Variants in KCNN2 observed in about 807,000 individuals in gnomAD.
KCNN2 encodes small conductance calcium-activated potassium channel protein 2.
A neutral mutation model predicts 55.5 loss-of-function variants in KCNN2; 24 were observed. The ratio of observed to expected loss-of-function variants is 0.43; its 90% CI spans 0.31 to 0.61. The LOEUF (loss-of-function observed/expected upper bound fraction) is 0.61. Among genes scored for constraint, KCNN2 ranks in the 20% least tolerant of loss-of-function variants. The pLI, the probability that KCNN2 is intolerant of heterozygous loss-of-function variation, is 0.08. For synonymous variants in KCNN2, 431 were observed against 336.1 expected (o/e 1.28, Z -3.09); for missense variants, 754 against 853.6 (o/e 0.88, Z 1.45).
chr5:114,473,291 A>T (rs1428001386), intron 5 of KCNN2, 127 bp downstream of exon 5: 5 of 674,436 alleles, frequency 7.4e-6, no homozygotes, highest in Non-Finnish European at 1.3e-5. Context: ...CATTCTTGGA[A>T]TCACTTCCAT....
At chr5:114,435,040 C>G (rs1759953884) in intron 3 of KCNN2, among the ~76,000 whole-genome samples, 1 of 152,056 alleles carries the variant, frequency 6.6e-6, no homozygotes, top group South Asian at 2.1e-4. Context: ...TGATCTTTAT[C>G]CTAAGATCCT....
chr5:114,389,509 G>C (rs908751096), intron 2 of KCNN2, among the ~76,000 whole-genome samples: 1 of 152,052 alleles, frequency 6.6e-6, no homozygotes, highest in Non-Finnish European at 1.5e-5. Flanking sequence ...ACACCTTCTA[G>C]AATTGCTTCA....
chr5:114,153,262 T>C (rs1239764719), intron 1 of KCNN2, among the ~76,000 whole-genome samples: 1 of 152,186 alleles, frequency 6.6e-6, no homozygotes. Context: ...CTGACAAATA[T>C]ATTGCACTTG....
At chr5:114,213,072 C>T (rs1020462450) in intron 1 of KCNN2, among the ~76,000 whole-genome samples, 4 of 151,882 alleles carry the variant, frequency 2.6e-5, no homozygotes, top group Admixed American at 2.6e-4. Flanking sequence ...TAATTTGAGA[C>T]CACGAAACCA....
chr5:114,488,294 T>G (rs1043790507), intron 6 of KCNN2, among the ~76,000 whole-genome samples: 1 of 152,176 alleles, frequency 6.6e-6, no homozygotes, highest in Non-Finnish European at 1.5e-5. Context: ...GTAGAGTATC[T>G]GGCCTTCATT....
chr5:114,341,228 T>C (rs1757009805), intron 2 of KCNN2, among the ~76,000 whole-genome samples: 1 of 152,208 alleles, frequency 6.6e-6, no homozygotes, highest in South Asian at 2.1e-4. Context: ...TCTCCAGCAT[T>C]TGAATTGCTG....
At chr5:114,200,317 A>G (rs1753648015) in intron 1 of KCNN2, among the ~76,000 whole-genome samples, 2 of 149,322 alleles carry the variant, frequency 1.3e-5, no homozygotes, top group Non-Finnish European at 3.0e-5. Context: ...TGTATTTTGT[A>G]TTTCCCTCAA....
Position 114,373,640 on chromosome 5 carries a change from T to TTATTTATATATATATATATATA in KCNN2, c.1218+9642_1218+9643insTTATATATATATATATATATAT, listed in dbSNP as rs1554084194. ...CTCTCATGGTGTTGTTATGAAGATT[T>TTATTTATATATATATATATATA]TATATATATATATATATAAAATTAC... On this transcript the variant is annotated intron_variant, in intron 2 of 7. Coordinates refer to ENST00000673685, the MANE Select transcript of KCNN2 (RefSeq NM_021614.4). Among the ~76,000 whole-genome samples, 2 of 56,710 alleles carry TTATTTATATATATATATATATA rather than the reference T, an allele frequency of 3.5e-5. 1 individual carries two copies. Among genetic ancestry groups the TTATTTATATATATATATATATA allele is most frequent in the African/African-American group, 1.1e-4 (2 of 18,992 alleles). The allele number at this position is 56,710 out of a possible 152,430, so 37.2% of individuals were successfully genotyped here. A position where few individuals can be genotyped will look rare whatever the true frequency, so the allele number is the denominator to read the frequency against.
chr5:114,139,912 A>G (rs1301884600), intron 1 of KCNN2, among the ~76,000 whole-genome samples: 2 of 151,966 alleles, frequency 1.3e-5, no homozygotes, highest in Non-Finnish European at 2.9e-5. Context: ...TTTTTTTCAT[A>G]GACTTCAACC....
chr5:114,158,532 C>G (rs1211355842), intron 1 of KCNN2, among the ~76,000 whole-genome samples: 16 of 151,950 alleles, frequency 1.1e-4, no homozygotes, highest in South Asian at 4.2e-4. Flanking sequence ...TTTTCCAATT[C>G]TGTGAAGAAA....
At chr5:114,100,131 A>G (rs1251730455) in intron 1 of KCNN2, among the ~76,000 whole-genome samples, 1 of 152,078 alleles carries the variant, frequency 6.6e-6, no homozygotes, top group Non-Finnish European at 1.5e-5. Context: ...TGTAATTTTA[A>G]TGTAGATTTT....
At chr5:114,439,839 A>G (rs985173450) in intron 3 of KCNN2, among the ~76,000 whole-genome samples, 3 of 152,204 alleles carry the variant, frequency 2.0e-5, no homozygotes, top group African/African-American at 7.2e-5. Flanking sequence ...GTGAGGTTAT[A>G]GGGGTAGAAA....
chr5:114,298,305 C>A (rs1350047631), intron 2 of KCNN2, among the ~76,000 whole-genome samples: 1 of 152,228 alleles, frequency 6.6e-6, no homozygotes, highest in Non-Finnish European at 1.5e-5. Context: ...TGCCTTCTCC[C>A]TCCACAGGGG....
chr5:114,121,701 A>G (rs1032905437), intron 1 of KCNN2, among the ~76,000 whole-genome samples: 4 of 152,138 alleles, frequency 2.6e-5, no homozygotes, highest in African/African-American at 7.2e-5. Flanking sequence ...TGCAGTGCCA[A>G]TGGGTCCTCC....
At chr5:114,164,005 G>A (rs2112535088) in intron 1 of KCNN2, among the ~76,000 whole-genome samples, 1 of 152,214 alleles carries the variant, frequency 6.6e-6, no homozygotes, top group South Asian at 2.1e-4. Context: ...TTTAATGGGG[G>A]TGGGTGTCTT....
At chr5:114,077,605 T>A (rs1428444064) in intron 1 of KCNN2, among the ~76,000 whole-genome samples, 1 of 152,184 alleles carries the variant, frequency 6.6e-6, no homozygotes, top group Non-Finnish European at 1.5e-5. Context: ...ATTCCCTTCC[T>A]CCTTTCACAC....
At chr5:114,077,380 G>A (rs1035996520) in intron 1 of KCNN2, among the ~76,000 whole-genome samples, 2 of 152,236 alleles carry the variant, frequency 1.3e-5, no homozygotes, top group Non-Finnish European at 2.9e-5. Flanking sequence ...GTGGGGTACA[G>A]AGATGCCTAG....
intron 1 of KCNN2, among the ~76,000 whole-genome samples, chr5:114,125,793 C>T (rs559324911): frequency 1.3e-4 from 20 of 152,318 alleles, no homozygotes; most frequent in African/African-American, 4.6e-4. Context: ...TTTACAGCAT[C>T]TTCCCTCCAT....
At chr5:114,098,726 G>T (rs1026693336) in intron 1 of KCNN2, among the ~76,000 whole-genome samples, 4 of 152,146 alleles carry the variant, frequency 2.6e-5, no homozygotes, top group African/African-American at 4.8e-5. Context: ...CAAAGAAAAA[G>T]AAAGGTTCTG....
Sources: allele counts gnomAD v4.1 joint callset (sites outside exome capture counted in the v4.1 genomes callset), GRCh38; gene constraint gnomAD v4.1.1; transcripts MANE v1.5; gene names NCBI Gene and HGNC (gene_info 2026-07-23, HGNC 2026-07-21).